Variants in TNPO3 observed in about 807,000 individuals in gnomAD.
TNPO3 encodes transportin 3.
In TNPO3, 65 loss-of-function variants were observed where a neutral mutation model predicts 122.8. That is an observed-to-expected ratio of 0.53 (90% CI 0.43 to 0.65). The LOEUF is 0.65. Ranked by LOEUF, TNPO3 falls within the 30% of genes least tolerant of loss-of-function variation. The pLI is 0.00. For synonymous variants in TNPO3, 372 were observed against 411.2 expected (o/e 0.90, Z 1.15); for missense variants, 850 against 1,136.7 (o/e 0.75, Z 3.63).
intron 5 of TNPO3, among the ~76,000 whole-genome samples, chr7:129,003,151 G>A (rs1037220388): frequency 6.7e-6 from 1 of 150,306 alleles, no homozygotes; most frequent in Non-Finnish European, 1.5e-5. Flanking sequence ...TGAACCCAGA[G>A]GGCGAAGGTT....
chr7:129,031,935 C>A (rs1471288142), intron 1 of TNPO3, among the ~76,000 whole-genome samples: 1 of 152,156 alleles, frequency 6.6e-6, no homozygotes, highest in Non-Finnish European at 1.5e-5. Context: ...AATCCTCCTG[C>A]CTCAGCCTCC....
At chr7:129,025,625 C>T (rs947673822) in intron 1 of TNPO3, among the ~76,000 whole-genome samples, 14 of 151,922 alleles carry the variant, frequency 9.2e-5, no homozygotes, top group African/African-American at 3.1e-4. Context: ...GTTATCCAGG[C>T]TGGTCTCAAA....
intron 8 of TNPO3, 52 bp from the exon 9 acceptor site, chr7:128,993,966 T>A: frequency 6.7e-7 from 1 of 1,489,518 alleles, no homozygotes. Context: ...CGGCTTTCAA[T>A]GACCTCTATA....
intron 8 of TNPO3, among the ~76,000 whole-genome samples, chr7:128,996,643 TGA>T (rs976223003): frequency 6.9e-6 from 1 of 144,058 alleles, no homozygotes; most frequent in Non-Finnish European, 1.5e-5. Flanking sequence ...CTCGGGAGGC[TGA>T]GACAGGAGAA....
intron 4 of TNPO3, among the ~76,000 whole-genome samples, chr7:129,007,180 T>C (rs1802670375): frequency 6.6e-6 from 1 of 152,194 alleles, no homozygotes; most frequent in South Asian, 2.1e-4. Context: ...ATTATCCCCA[T>C]TATACTGATG....
rs752222980 is a variant in TNPO3, at chr7:128,970,318, G to A, written c.2431-3C>T. On this transcript the variant is annotated splice_polypyrimidine_tract_variant and splice_region_variant and intron_variant, in intron 19 of 22. Transcript: ENST00000265388. ...CGTAATTCAAAGTCTTCTTCATGCT[G>A]TATGTAGGAAAGCAGGAACATCAGA... is the stretch of plus-strand genomic sequence containing the variant. 1.3e-5 allele frequency: 20 copies of A among 1,578,428 alleles called. 1 individual carries two copies. The South Asian group carries it at 1.9e-4, about 15-fold the overall frequency.
chr7:129,021,077 C>T (rs1441549151), intron 1 of TNPO3, among the ~76,000 whole-genome samples: 1 of 151,916 alleles, frequency 6.6e-6, no homozygotes, highest in Non-Finnish European at 1.5e-5. Flanking sequence ...GAGGTTTGGC[C>T]GGGCGCGGTG....
intron 21 of TNPO3, among the ~76,000 whole-genome samples, chr7:128,965,020 C>T (rs1352770688): frequency 2.0e-5 from 3 of 152,128 alleles, no homozygotes; most frequent in African/African-American, 7.2e-5. Flanking sequence ...AACTTCATGA[C>T]ATGAAATCTG....
At chr7:128,996,411 A>C (rs975916266) in intron 8 of TNPO3, among the ~76,000 whole-genome samples, 2 of 152,130 alleles carry the variant, frequency 1.3e-5, no homozygotes, top group African/African-American at 4.8e-5. Flanking sequence ...CTTTTGTATT[A>C]GTTTTCATCT....
chr7:128,972,478 C>T lies in TNPO3; in HGVS notation c.2378G>A (p.Cys793Tyr). Residue 793 changes from cysteine (C) to tyrosine (Y), a missense_variant, in exon 19 of 23, where the codon TGT becomes TAT. Cys to Tyr is a radical substitution (Grantham distance 194). Transcript: ENST00000265388. Reference sequence around the variant, plus strand: ...GTCTCGTAGAAACCTCATGACACTACAATTGGCATCCCGGTGGTCCAGGGT... The same window carrying T: ...GTCTCGTAGAAACCTCATGACACTATAATTGGCATCCCGGTGGTCCAGGGT... ...STTLDHRDAN[C>Y]SVMRFLRDLI... The T allele has an allele frequency of 1.9e-6, 3 of 1,614,160 alleles. No homozygotes were observed. The highest frequency in any genetic ancestry group is 2.5e-6 in the Non-Finnish European group (3 of 1,180,026).
intron 7 of TNPO3, among the ~76,000 whole-genome samples, chr7:128,998,169 A>C (rs1204036050): frequency 6.6e-6 from 1 of 151,974 alleles, no homozygotes; most frequent in Non-Finnish European, 1.5e-5. Context: ...AACAAATTTC[A>C]GCCAGGCGCG....
intron 7 of TNPO3, among the ~76,000 whole-genome samples, 165 bp downstream of exon 7, chr7:129,000,264 C>T (rs1801789466): frequency 6.6e-6 from 1 of 152,098 alleles, no homozygotes. Flanking sequence ...TGCAGAAACC[C>T]AAATATAATT....
At chr7:128,975,783 G>A in intron 17 of TNPO3, 36 bp downstream of exon 17, 1 of 1,345,034 alleles carries the variant, frequency 7.4e-7, no homozygotes, top group Non-Finnish European at 1.1e-6. Flanking sequence ...AGACCCTCTA[G>A]GCCTGATGCG....
intron 1 of TNPO3, among the ~76,000 whole-genome samples, chr7:129,033,784 A>C (rs1053812238): frequency 6.6e-6 from 1 of 151,918 alleles, no homozygotes; most frequent in Non-Finnish European, 1.5e-5. Flanking sequence ...ATGGTGGCGC[A>C]TGACTGTAAT....
rs1354703718 is a variant in TNPO3, at chr7:129,054,974, C to A, written c.-204G>T. 3.2e-6 allele frequency: 2 copies of A among 617,794 alleles called. No homozygotes were observed. Among genetic ancestry groups the A allele is most frequent in the Non-Finnish European group, 5.5e-6 (2 of 362,160 alleles). The allele number at this position is 617,794 out of a possible 1,614,324, so 38.3% of individuals were successfully genotyped here. On this transcript the variant is annotated 5_prime_UTR_variant, in exon 1 of 23. Transcript: ENST00000265388. ...ACAGCTATTAGGTCGTATTCAGGTT[C>A]CTGGCCTTTTTTCCGGTTTTTCCAC...
At chr7:129,048,803 G>C (rs1017283940) in intron 1 of TNPO3, among the ~76,000 whole-genome samples, 4 of 152,192 alleles carry the variant, frequency 2.6e-5, no homozygotes, top group East Asian at 1.9e-4. Flanking sequence ...CTGAGTATCT[G>C]CATGTATGCA....
Position 128,989,951 on chromosome 7 carries a change from T to C in TNPO3, c.1498+10A>G, listed in dbSNP as rs1414229426. ...AGTTAGAAGTGGCAGAGGAGAGAGA[T>C]TACACATACCAAGGAACTGAGGATT... On this transcript the variant is annotated intron_variant, in intron 11 of 22. Coordinates refer to ENST00000265388, the MANE Select transcript of TNPO3 (RefSeq NM_012470.4). The C allele has an allele frequency of 2.5e-6, 4 of 1,612,122 alleles. No individual in the cohort carries two copies. In the South Asian group the frequency reaches 4.4e-5, roughly 18 times the overall value.
In TNPO3 at chr7:128,967,263, C is replaced by G. The variant is rs774254170; in HGVS notation, c.2711+17G>C. ...CCCACATCCCACACCTCCTTAAGAA[C>G]CCCCAGTATCACTCACCTAGTGACT... On this transcript the variant is annotated intron_variant, in intron 21 of 22. Coordinates refer to ENST00000265388, the MANE Select transcript of TNPO3 (RefSeq NM_012470.4). The G allele has an allele frequency of 7.4e-6, 11 of 1,477,042 alleles. No homozygotes were observed. Among genetic ancestry groups the G allele is most frequent in the Non-Finnish European group, 1.0e-5 (11 of 1,055,272 alleles). The allele number at this position is 1,477,042 out of a possible 1,614,324, so 91.5% of individuals were successfully genotyped here.
At chr7:128,973,245 C>T (rs1289641276) in intron 18 of TNPO3, among the ~76,000 whole-genome samples, 2 of 152,084 alleles carry the variant, frequency 1.3e-5, no homozygotes, top group Non-Finnish European at 2.9e-5. Context: ...TTCAGGTAAG[C>T]TTGGGAAATG....
Sources: gnomAD v4.1 joint callset for allele counts (sites outside exome capture counted in the v4.1 genomes callset) on GRCh38, gnomAD v4.1.1 for gene constraint, MANE v1.5 for transcripts, NCBI Gene and HGNC (gene_info 2026-07-23, HGNC 2026-07-21) for gene names.